The following ITPR1 variants were observed in gnomAD, a reference collection of about 807,000 sequenced individuals.
The protein encoded by ITPR1 is inositol 1,4,5-trisphosphate-gated calcium channel ITPR1.
A neutral mutation model predicts 318.4 loss-of-function variants in ITPR1; 96 were observed. That is an observed-to-expected ratio of 0.30 (90% CI 0.26 to 0.36). The LOEUF (loss-of-function observed/expected upper bound fraction) is 0.36. Among genes scored for constraint, ITPR1 ranks in the 10% least tolerant of loss-of-function variants. The pLI is 1.00. For missense variants in ITPR1, 2,440 were observed against 3,460.2 expected, an observed-to-expected ratio of 0.71 and a Z score of 7.40; for synonymous variants, 1,312 against 1,289.9, an observed-to-expected ratio of 1.02 and a Z score of -0.37.
At chr3:4,560,610 A>G (rs1009540917) in intron 4 of ITPR1, among the ~76,000 whole-genome samples, 5 of 152,226 alleles carry the variant, frequency 3.3e-5, no homozygotes, top group African/African-American at 1.2e-4. Context: ...CTGGAAGAAG[A>G]GAGAACTGGA....
intron 5 of ITPR1, among the ~76,000 whole-genome samples, chr3:4,632,229 G>A (rs1462897652): frequency 3.9e-5 from 6 of 152,212 alleles, no homozygotes; most frequent in Non-Finnish European, 5.9e-5. Flanking sequence ...CCCATAGGGG[G>A]CTATCTTTCT....
Position 4,842,065 on chromosome 3 carries a change from A to G in ITPR1, c.8191-4074A>G, listed in dbSNP as rs188431094. Among the ~76,000 whole-genome samples, 323 of 152,374 alleles carry G rather than the reference A, an allele frequency of 2.1e-3. 5 individuals are homozygous for G. Among genetic ancestry groups the G allele is most frequent in the African/African-American group, 7.4e-3 (307 of 41,592 alleles). On this transcript the variant is annotated intron_variant, in intron 61 of 61. Transcript: ENST00000649015. ...ATGTGTTATAAACCAGAAATGTGGCATTTGTGTGCTGTCAATGAACTTTCC... is the reference window on the plus strand; with the variant it reads ...ATGTGTTATAAACCAGAAATGTGGCGTTTGTGTGCTGTCAATGAACTTTCC...
intron 4 of ITPR1, 45 bp from the exon 5 acceptor site, chr3:4,627,718 T>C: frequency 9.3e-6 from 11 of 1,184,812 alleles, no homozygotes; most frequent in African/African-American, 1.5e-5. Flanking sequence ...GCTGAGTCTC[T>C]ATACACCCTC....
intron 37 of ITPR1, among the ~76,000 whole-genome samples, chr3:4,707,862 G>C (rs779751239): frequency 6.6e-6 from 1 of 152,170 alleles, no homozygotes; most frequent in South Asian, 2.1e-4. Context: ...AGATGAATTC[G>C]TTAAATCATT....
intron 44 of ITPR1, among the ~76,000 whole-genome samples, chr3:4,761,463 A>G (rs1239959891): frequency 6.6e-6 from 1 of 152,194 alleles, no homozygotes; most frequent in Non-Finnish European, 1.5e-5. Flanking sequence ...ATGGCTGTGT[A>G]GTATTCCATG....
At chr3:4,720,797 GA>G (rs1553710953) in intron 40 of ITPR1, among the ~76,000 whole-genome samples, 61 of 66,720 alleles carry the variant, frequency 9.1e-4, no homozygotes, top group African/African-American at 2.6e-3. Context: ...ATTCGAGGTA[GA>G]GGGGGAAACA....
At chr3:4,542,506 T>C (rs985349084) in intron 4 of ITPR1, among the ~76,000 whole-genome samples, 1 of 152,212 alleles carries the variant, frequency 6.6e-6, no homozygotes, top group African/African-American at 2.4e-5. Flanking sequence ...TTCCTATATA[T>C]GTTAATTAGG....
chr3:4,748,654 C>T (rs755383052), intron 44 of ITPR1, among the ~76,000 whole-genome samples: 4 of 152,112 alleles, frequency 2.6e-5, no homozygotes, highest in Non-Finnish European at 5.9e-5. Flanking sequence ...GCAAACCCCT[C>T]TACTATTTCC....
At chr3:4,600,573 G>A (rs1412184767) in intron 4 of ITPR1, among the ~76,000 whole-genome samples, 1 of 152,098 alleles carries the variant, frequency 6.6e-6, no homozygotes, top group African/African-American at 2.4e-5. Context: ...TCTAAATTGA[G>A]AACATTTTCC....
At chr3:4,566,604 G>GCACACACACACA (rs57756103) in intron 4 of ITPR1, among the ~76,000 whole-genome samples, 1,617 of 140,974 alleles carry the variant, frequency 0.011, 19 homozygotes, top group Middle Eastern at 0.018. Flanking sequence ...GGGGACACAT[G>GCACACACACACA]CACACACACA....
At chr3:4,709,425 A>G (rs550596874) in intron 37 of ITPR1, among the ~76,000 whole-genome samples, 13 of 152,324 alleles carry the variant, frequency 8.5e-5, no homozygotes, top group Non-Finnish European at 1.5e-4. Context: ...TTCTTTGTCA[A>G]TCCCAACTGG....
intron 5 of ITPR1, among the ~76,000 whole-genome samples, chr3:4,629,266 C>T (rs1352796711): frequency 6.6e-6 from 1 of 152,016 alleles, no homozygotes; most frequent in Non-Finnish European, 1.5e-5. Context: ...ATGACCTTTG[C>T]ACCCTCAGTT....
intron 47 of ITPR1, among the ~76,000 whole-genome samples, chr3:4,776,363 C>A (rs2046485707): frequency 1.3e-5 from 2 of 152,322 alleles, no homozygotes; most frequent in Admixed American, 1.3e-4. Context: ...AGCCACCGCG[C>A]CCAGCCAAGT....
chr3:4,806,006 CG>C, intron 54 of ITPR1, 96 bp from the exon 55 acceptor site: 1 of 1,065,392 alleles, frequency 9.4e-7, no homozygotes, highest in East Asian at 2.6e-5. Context: ...TGTTTGGGCA[CG>C]GTGACTGAAA....
At chr3:4,645,785 G>GCC (rs1559603935) in intron 10 of ITPR1, 57 bp downstream of exon 10, 2 of 1,104,204 alleles carry the variant, frequency 1.8e-6, no homozygotes, top group African/African-American at 6.2e-5. Context: ...CCTGTATATA[G>GCC]GCTCTCTCTC....
At chr3:4,818,294 C>CTGAGCAAGGCCCCA in intron 60 of ITPR1, 52 bp downstream of exon 60, 1 of 1,419,486 alleles carries the variant, frequency 7.0e-7, no homozygotes, top group Non-Finnish European at 9.6e-7. Flanking sequence ...CTACTCAGCT[C>CTGAGCAAGGCCCCA]TGAGCAAGGC....
At chr3:4,608,146 A>G (rs2091833338) in intron 4 of ITPR1, among the ~76,000 whole-genome samples, 1 of 152,188 alleles carries the variant, frequency 6.6e-6, no homozygotes, top group Non-Finnish European at 1.5e-5. Flanking sequence ...CCCCACTGCT[A>G]CAATTTTCTC....
chr3:4,554,041 C>T (rs1458744327), intron 4 of ITPR1, among the ~76,000 whole-genome samples: 1 of 152,206 alleles, frequency 6.6e-6, no homozygotes, highest in Non-Finnish European at 1.5e-5. Flanking sequence ...CCGCGCCCAG[C>T]CTTACTACTA....
intron 44 of ITPR1, among the ~76,000 whole-genome samples, chr3:4,757,340 G>C (rs762705010): frequency 3.9e-5 from 6 of 152,154 alleles, no homozygotes; most frequent in Non-Finnish European, 7.4e-5. Flanking sequence ...GGGATTGTTT[G>C]GGAACCCATA....
Sources: allele counts gnomAD v4.1 joint callset (sites outside exome capture counted in the v4.1 genomes callset), GRCh38; gene constraint gnomAD v4.1.1; transcripts MANE v1.5; gene names NCBI Gene and HGNC (gene_info 2026-07-23, HGNC 2026-07-21).